OPRM1: variants seen among roughly 807,000 people sequenced by gnomAD.
The protein encoded by OPRM1 is opioid receptor mu 1.
Under a neutral mutation model 31.8 loss-of-function variants are expected in OPRM1, and 27 were observed. That is an observed-to-expected ratio of 0.85 (90% confidence interval 0.63 to 1.17). OPRM1 has a LOEUF of 1.17. Ranked by LOEUF, OPRM1 falls within the 50% of genes most tolerant of loss-of-function variation. The pLI is 0.00. For synonymous variants in OPRM1, 196 were observed against 189.9 expected (o/e 1.03, Z -0.26); for missense variants, 536 against 511.1 (o/e 1.05, Z -0.47).
chr6:154,145,926 T>C (rs369892914), intron 3 of OPRM1, among the ~76,000 whole-genome samples: 2 of 152,200 alleles, frequency 1.3e-5, no homozygotes, highest in Admixed American at 6.5e-5. Flanking sequence ...TGGACATCCA[T>C]AGGCAAAGAA....
intron 3 of OPRM1, among the ~76,000 whole-genome samples, chr6:154,193,892 A>C (rs1314461617): frequency 6.6e-6 from 1 of 152,200 alleles, no homozygotes; most frequent in East Asian, 1.9e-4. Flanking sequence ...GTGCTCAAAA[A>C]ACTGTTGATA....
chr6:154,064,065 T>C (rs1203528719), intron 1 of OPRM1, among the ~76,000 whole-genome samples: 1 of 152,110 alleles, frequency 6.6e-6, no homozygotes, highest in Non-Finnish European at 1.5e-5. Context: ...TTTCCCACAC[T>C]GATATGTCAT....
chr6:154,087,365 T>A, intron 1 of OPRM1: 1 of 985,474 alleles, frequency 1.0e-6, no homozygotes, highest in Non-Finnish European at 1.2e-6. Context: ...TGTCTTGGGC[T>A]GAATGAGTTA....
chr6:154,222,560 C>G (rs1173265290), intron 3 of OPRM1, among the ~76,000 whole-genome samples: 1 of 152,120 alleles, frequency 6.6e-6, no homozygotes, highest in Non-Finnish European at 1.5e-5. Context: ...CTATAGATAC[C>G]TGGGTTTACA....
chr6:154,246,781 G>A (rs924079325), exon 4 of OPRM1: 1 of 1,612,080 alleles, frequency 6.2e-7, no homozygotes, highest in Middle Eastern at 1.7e-4. Flanking sequence ...TACATGAAGA[G>A]GTAGATAATG....
chr6:154,021,225 C>T lies in OPRM1; in HGVS notation c.-1+10207C>T, dbSNP rs1379640684. Among the ~76,000 whole-genome samples the T allele has an allele frequency of 1.2e-4, 19 of 152,258 alleles. 1 individual carries two copies. The highest frequency in any genetic ancestry group is 7.2e-4 in the Admixed American group (11 of 15,296). On this transcript the variant is annotated intron_variant, in intron 1 of 5. Transcript: ENST00000434900. ...CATTTGTTGAAAACTTACTTTTCTCCGCTGTATTCCCTTTGCTCCTTTATC... is the reference window on the plus strand; with the variant it reads ...CATTTGTTGAAAACTTACTTTTCTCTGCTGTATTCCCTTTGCTCCTTTATC...
chr6:154,104,266 T>C (rs1042735693), intron 3 of OPRM1, among the ~76,000 whole-genome samples: 1 of 152,328 alleles, frequency 6.6e-6, no homozygotes, highest in South Asian at 2.1e-4. Context: ...TTAATAAATG[T>C]TTAGTTAAAG....
chr6:154,128,748 G>A lies in OPRM1; in HGVS notation c.*10027G>A, dbSNP rs536381220. On this transcript the variant is annotated 3_prime_UTR_variant, in exon 4 of 4. Transcript: ENST00000330432. ...CATCATTGAGGAAAAAGGCTACCTT[G>A]TACCTCATGGAGAGCTGAAGGTCTG... Among the ~76,000 whole-genome samples, 2 of 152,152 alleles carry A rather than the reference G, an allele frequency of 1.3e-5. No individual in the cohort carries two copies. Among genetic ancestry groups the A allele is most frequent in the Non-Finnish European group, 2.9e-5 (2 of 68,040 alleles).
intron 3 of OPRM1, 44 bp from the exon 4 acceptor site, chr6:154,118,639 C>G (rs202080774): frequency 6.3e-7 from 1 of 1,591,456 alleles, no homozygotes. Context: ...GTGTTGCAAC[C>G]GTATCTGAAA....
At chr6:154,010,806 G>T in exon 1 of OPRM1, 1 of 1,404,432 alleles carries the variant, frequency 7.1e-7, no homozygotes, top group South Asian at 1.5e-5. Flanking sequence ...GGGCTGCTCT[G>T]AGATGATAGA....
Position 154,131,352 on chromosome 6 carries a change from G to A in OPRM1, c.*12631G>A, listed in dbSNP as rs1441084679. Among the ~76,000 whole-genome samples, 1 of 152,196 alleles carries A rather than the reference G, an allele frequency of 6.6e-6. No homozygotes were observed. The highest frequency in any genetic ancestry group is 6.5e-5 in the Admixed American group (1 of 15,276). On this transcript the variant is annotated 3_prime_UTR_variant, in exon 4 of 4. Coordinates refer to ENST00000330432, the MANE Select transcript of OPRM1 (RefSeq NM_000914.5). ...AACTATTTTTCCTCTCCAGGAATAA[G>A]AATGGCAACTGAATTGTTCCTTCTT...
rs546791923 is a variant in OPRM1 at position 154,144,602 on chromosome 6, G to A, written c.1164+53130G>A. On this transcript the variant is annotated intron_variant, in intron 3 of 3. Coordinates refer to the OPRM1 transcript ENST00000337049. The stretch of plus-strand genomic sequence containing the variant: ...TCTCTACTAAAAGTACAAAAAATTA[G>A]CTGGGTGTGGTGGTGGGTGCCTGTA... Among the ~76,000 whole-genome samples the A allele has an allele frequency of 6.6e-5, 10 of 152,104 alleles. No homozygotes were observed. In the East Asian group the frequency reaches 1.9e-3, roughly 29 times the overall value.
chr6:154,233,434 G>A (rs1474448216), intron 3 of OPRM1, among the ~76,000 whole-genome samples: 1 of 152,008 alleles, frequency 6.6e-6, no homozygotes, highest in Non-Finnish European at 1.5e-5. Context: ...ATATTGTTGC[G>A]TTTGGGTTTA....
intron 3 of OPRM1, among the ~76,000 whole-genome samples, chr6:154,197,485 T>A (rs1562535845): frequency 6.6e-6 from 1 of 152,098 alleles, no homozygotes; most frequent in Non-Finnish European, 1.5e-5. Context: ...AGAAAAAAAA[T>A]ACTTTCATTT....
At chr6:154,205,743 A>G (rs557106441) in intron 3 of OPRM1, among the ~76,000 whole-genome samples, 14 of 152,234 alleles carry the variant, frequency 9.2e-5, no homozygotes, top group African/African-American at 3.4e-4. Context: ...ATAAACTGCA[A>G]TTAGGACAAG....
Position 154,130,088 on chromosome 6 carries a change from ATCTC to A in OPRM1, c.*11369_*11372del, listed in dbSNP as rs34952054. Among the ~76,000 whole-genome samples the A allele has an allele frequency of 0.67, 100,750 of 151,222 alleles. 33,877 individuals are homozygous for A. The highest frequency in any genetic ancestry group is 0.9 in the East Asian group (4,649 of 5,162). On this transcript the variant is annotated 3_prime_UTR_variant, in exon 4 of 4. Transcript: ENST00000330432. ...ATTAGAATTTGCTTTCAATTATACTATCTCTATCTAAATCTTAATTTGAAATTTA... is the reference window on the plus strand; with the variant it reads ...ATTAGAATTTGCTTTCAATTATACTATATCTAAATCTTAATTTGAAATTTA...
chr6:154,030,307 C>T (rs1389791526), intron 1 of OPRM1, among the ~76,000 whole-genome samples: 5 of 152,128 alleles, frequency 3.3e-5, no homozygotes, highest in Non-Finnish European at 7.4e-5. Context: ...AATAAAAAGA[C>T]AGGCATTGTG....
At chr6:154,047,986 G>A (rs1781489927) in intron 1 of OPRM1, among the ~76,000 whole-genome samples, 1 of 152,052 alleles carries the variant, frequency 6.6e-6, no homozygotes, top group South Asian at 2.1e-4. Context: ...AGCTCTCTAG[G>A]GCCTCTTTCA....
rs1042510703 is a variant in OPRM1 at position 154,065,715 on chromosome 6, A to T, written c.291-24111A>T. On this transcript the variant is annotated intron_variant, in intron 1 of 3. Coordinates refer to ENST00000330432, the MANE Select transcript of OPRM1 (RefSeq NM_000914.5). ...ATAAGATTATGTCATCTGCAAACAT[A>T]TTCATTTTACTTCTTTTCTAATTTA... Among the ~76,000 whole-genome samples the T allele has an allele frequency of 2.6e-5, 4 of 151,926 alleles. No individual in the cohort carries two copies. The East Asian group carries it at 7.7e-4, about 29-fold the overall frequency.
Sources: gnomAD v4.1 joint callset for allele counts (sites outside exome capture counted in the v4.1 genomes callset) on GRCh38, gnomAD v4.1.1 for gene constraint, MANE v1.5 for transcripts, NCBI Gene and HGNC (gene_info 2026-07-23, HGNC 2026-07-21) for gene names.